The following GALNT11 variants were observed in gnomAD, a reference collection of about 807,000 sequenced individuals.
GALNT11 encodes the protein polypeptide N-acetylgalactosaminyltransferase 11.
Under a neutral mutation model 72.7 loss-of-function variants are expected in GALNT11, and 47 were observed. The ratio of observed to expected loss-of-function variants is 0.65; its 90% CI spans 0.51 to 0.82. The LOEUF is 0.82. Ranked by LOEUF, GALNT11 falls within the 40% of genes least tolerant of loss-of-function variation. The pLI is 0.00. For synonymous variants in GALNT11, 270 were observed against 286.6 expected, an observed-to-expected ratio of 0.94 and a Z score of 0.58; for missense variants, 677 against 778.4, an observed-to-expected ratio of 0.87 and a Z score of 1.55.
intron 4 of GALNT11, 116 bp downstream of exon 4, chr7:152,103,394 A>T: frequency 1.9e-6 from 2 of 1,030,704 alleles, no homozygotes; most frequent in Non-Finnish European, 1.4e-6. Flanking sequence ...CTACACGTGC[A>T]GTCACAGCTG....
intron 1 of GALNT11, among the ~76,000 whole-genome samples, chr7:152,072,438 G>A (rs2062674373): frequency 6.6e-6 from 1 of 151,918 alleles, no homozygotes; most frequent in African/African-American, 2.4e-5. Flanking sequence ...CTTTCTTCAA[G>A]TTTCTTATTT....
chr7:152,029,845 T>C (rs1205115526), intron 1 of GALNT11, among the ~76,000 whole-genome samples: 1 of 152,238 alleles, frequency 6.6e-6, no homozygotes, highest in African/African-American at 2.4e-5. Flanking sequence ...TTAGTTAAGA[T>C]TTAGATCCCC....
intron 6 of GALNT11, 33 bp downstream of exon 6, chr7:152,108,320 C>A: frequency 6.3e-7 from 1 of 1,583,042 alleles, no homozygotes; most frequent in Non-Finnish European, 8.6e-7. Context: ...CAAATTCCTA[C>A]CAGTGCTTCC....
intron 1 of GALNT11, among the ~76,000 whole-genome samples, chr7:152,064,857 T>G (rs975984530): frequency 1.4e-4 from 21 of 152,328 alleles, no homozygotes; most frequent in African/African-American, 5.0e-4. Context: ...TGTGGGTAAC[T>G]CGACCTTTGT....
intron 1 of GALNT11, among the ~76,000 whole-genome samples, chr7:152,080,055 G>C (rs2085228513): frequency 6.6e-6 from 1 of 152,178 alleles, no homozygotes; most frequent in Admixed American, 6.5e-5. Context: ...TAGTCTTGTG[G>C]TAAAAGATGG....
At chr7:152,096,983 A>G (rs1471827141) in intron 2 of GALNT11, among the ~76,000 whole-genome samples, 2 of 152,048 alleles carry the variant, frequency 1.3e-5, no homozygotes, top group South Asian at 2.1e-4. Flanking sequence ...GTGTACCACT[A>G]TGCCCAGCTA....
chr7:152,036,077 C>T (rs2082563214), intron 1 of GALNT11, among the ~76,000 whole-genome samples: 2 of 152,144 alleles, frequency 1.3e-5, no homozygotes, highest in Admixed American at 6.5e-5. Context: ...AGCTTTCAGG[C>T]TTGGGGGAGA....
rs113895898 is a variant in GALNT11, at chr7:152,113,671, C to T, written c.1233+273C>T. On this transcript the variant is annotated intron_variant, in intron 8 of 11. Transcript: ENST00000430044. ...AATTCCATCTTCAGTTTCTTTATTCCGTCTGGTCTCTCTATTGTGACGCCT... is the reference window on the plus strand; with the variant it reads ...AATTCCATCTTCAGTTTCTTTATTCTGTCTGGTCTCTCTATTGTGACGCCT... Among the ~76,000 whole-genome samples the T allele has an allele frequency of 2.4e-3, 346 of 143,176 alleles. 1 individual carries two copies. Among genetic ancestry groups the T allele is most frequent in the Middle Eastern group, 0.012 (3 of 258 alleles). The allele number at this position is 143,176 out of a possible 152,430, so 93.9% of individuals were successfully genotyped here.
At chr7:152,087,760 G>C (rs1359770101) in intron 1 of GALNT11, among the ~76,000 whole-genome samples, 1 of 152,200 alleles carries the variant, frequency 6.6e-6, no homozygotes, top group South Asian at 2.1e-4. Flanking sequence ...TCAGTGCAAA[G>C]GGTGGTGTTT....
Position 152,117,222 on chromosome 7 carries a change from G to A in GALNT11, c.1299G>A (p.Val433=), listed in dbSNP as rs1162232394. The change falls in exon 9 of 12, where the codon GTG becomes GTA. Residue 433 remains valine, a synonymous_variant. Coordinates refer to ENST00000430044, the MANE Select transcript of GALNT11 (RefSeq NM_022087.4). ...TKSYGNISER[V]ELRKKLGCKS... Reference sequence around the variant, plus strand: ...GCTATGGCAATATCAGTGAGCGTGTGGAACTGAGAAAGAAGTTGGGCTGTA... The same window carrying A: ...GCTATGGCAATATCAGTGAGCGTGTAGAACTGAGAAAGAAGTTGGGCTGTA... 6.2e-7 allele frequency: 1 copy of A among 1,613,942 alleles called. No homozygotes were observed. Among genetic ancestry groups the A allele is most frequent in the Non-Finnish European group, 8.5e-7 (1 of 1,180,000 alleles).
chr7:152,063,408 A>C (rs2129001322), intron 1 of GALNT11, among the ~76,000 whole-genome samples: 1 of 152,220 alleles, frequency 6.6e-6, no homozygotes, highest in African/African-American at 2.4e-5. Flanking sequence ...TTTTCAAAAA[A>C]CCAGCTCCTG....
At chr7:152,047,442 C>A (rs571442397) in intron 1 of GALNT11, among the ~76,000 whole-genome samples, 1 of 151,956 alleles carries the variant, frequency 6.6e-6, no homozygotes, top group African/African-American at 2.4e-5. Context: ...CCAGCCTGGG[C>A]GACAAGAGGG....
intron 1 of GALNT11, among the ~76,000 whole-genome samples, chr7:152,054,436 AT>A (rs771169347): frequency 8.7e-6 from 1 of 114,966 alleles, no homozygotes; most frequent in African/African-American, 3.3e-5. Flanking sequence ...TGATCTTTCC[AT>A]TTTTTTTAAT....
chr7:152,067,129 A>C (rs2084357281), intron 1 of GALNT11, among the ~76,000 whole-genome samples: 1 of 152,176 alleles, frequency 6.6e-6, no homozygotes, highest in African/African-American at 2.4e-5. Context: ...CTCAGTTGGG[A>C]TTTGTTTCAT....
chr7:152,099,729 C>G lies in GALNT11; in HGVS notation c.296-1069C>G, dbSNP rs190962126. ...TTGATTAGGCCTGTGGAGGAATTCC[C>G]TGACAGTTAAACCAGAAACTGTGAA... On this transcript the variant is annotated intron_variant, in intron 2 of 11. Coordinates refer to ENST00000430044, the MANE Select transcript of GALNT11 (RefSeq NM_022087.4). Among the ~76,000 whole-genome samples the G allele has an allele frequency of 1.7e-4, 25 of 146,046 alleles. No homozygotes were observed. The East Asian group carries it at 5.0e-3, about 29-fold the overall frequency.
At chr7:152,055,416 A>T (rs573088941) in intron 1 of GALNT11, among the ~76,000 whole-genome samples, 1 of 152,272 alleles carries the variant, frequency 6.6e-6, no homozygotes, top group South Asian at 2.1e-4. Context: ...ATCTGATGTT[A>T]TATTTATAAA....
chr7:152,103,288 G>A lies in GALNT11; in HGVS notation c.586+10G>A, dbSNP rs1185346061. On this transcript the variant is annotated intron_variant, in intron 4 of 11. Transcript: ENST00000430044. The stretch of plus-strand genomic sequence containing the variant: ...GATGATAGTGACTTTGGTAAGGAAT[G>A]CTGCACCTGGTAACATTGGATCCAG... The A allele has an allele frequency of 1.2e-6, 2 of 1,610,002 alleles. No individual in the cohort carries two copies. The highest frequency in any genetic ancestry group is 2.2e-5 in the East Asian group (1 of 44,744).
At chr7:152,115,609 G>GT (rs1355095260) in intron 8 of GALNT11, among the ~76,000 whole-genome samples, 1 of 152,280 alleles carries the variant, frequency 6.6e-6, no homozygotes, top group East Asian at 1.9e-4. Flanking sequence ...ACAAACCATA[G>GT]TTACTCGTAT....
At chr7:152,113,006 G>A (rs1587461825) in intron 7 of GALNT11, among the ~76,000 whole-genome samples, 1 of 152,298 alleles carries the variant, frequency 6.6e-6, no homozygotes, top group East Asian at 1.9e-4. Context: ...ACTTATGGTA[G>A]TAAATGCTGA....
Sources: gnomAD v4.1 joint callset for allele counts (sites outside exome capture counted in the v4.1 genomes callset) on GRCh38, gnomAD v4.1.1 for gene constraint, MANE v1.5 for transcripts, NCBI Gene and HGNC (gene_info 2026-07-23, HGNC 2026-07-21) for gene names.